Variants in JARID2 observed in about 807,000 individuals in gnomAD.
JARID2 encodes the protein protein Jumonji.
In JARID2, 21 loss-of-function variants were observed where a neutral mutation model predicts 125.6. The observed-to-expected ratio is 0.17, with a 90% confidence interval of 0.12 to 0.24. The LOEUF (loss-of-function observed/expected upper bound fraction) is 0.24, where lower values mean the gene tolerates loss of function less well. JARID2 is among the 10% of genes least tolerant of loss of function. The pLI is 1.00. For synonymous variants in JARID2, 736 were observed against 661.6 expected (o/e 1.11, Z -1.73); for missense variants, 1,303 against 1,639.6 (o/e 0.79, Z 3.55).
At position 15,477,735 on chromosome 6, in the gene JARID2, A is replaced by G. The variant is rs987904576; in HGVS notation, c.670+9017A>G. Among the ~76,000 whole-genome samples, 6 of 152,310 alleles carry G rather than the reference A, an allele frequency of 3.9e-5. No individual in the cohort carries two copies. In the East Asian group the frequency reaches 1.2e-3, roughly 29 times the overall value. On this transcript the variant is annotated intron_variant, in intron 5 of 17. Transcript: ENST00000341776. Reference sequence around the variant, plus strand: ...GAAGAAGAGATCATAGGTTTTGGCAATAACTAAATGAATTGATACATGTTA... The same window carrying G: ...GAAGAAGAGATCATAGGTTTTGGCAGTAACTAAATGAATTGATACATGTTA...
At chr6:15,469,926 C>T (rs1768988384) in intron 5 of JARID2, among the ~76,000 whole-genome samples, 1 of 152,022 alleles carries the variant, frequency 6.6e-6, no homozygotes, top group Non-Finnish European at 1.5e-5. Flanking sequence ...CACCTGTAAT[C>T]CCAGGACTTT....
chr6:15,263,998 ATCCTCC>A (rs1759985214), intron 1 of JARID2, among the ~76,000 whole-genome samples: 1 of 152,156 alleles, frequency 6.6e-6, no homozygotes, highest in Non-Finnish European at 1.5e-5. Context: ...GGCTCAAGCG[ATCCTCC>A]CACCTCACCC....
At chr6:15,388,295 C>A (rs758915001) in intron 2 of JARID2, among the ~76,000 whole-genome samples, 1 of 151,990 alleles carries the variant, frequency 6.6e-6, no homozygotes, top group Non-Finnish European at 1.5e-5. Flanking sequence ...TGTTTAGAGT[C>A]CTGTATGGTA....
chr6:15,265,713 T>C (rs1760059140), intron 1 of JARID2, among the ~76,000 whole-genome samples: 1 of 152,136 alleles, frequency 6.6e-6, no homozygotes, highest in Admixed American at 6.5e-5. Context: ...CAGTGTAAGG[T>C]GACCCTCTTC....
chr6:15,256,144 A>T (rs1019795702), intron 1 of JARID2, among the ~76,000 whole-genome samples: 4 of 152,248 alleles, frequency 2.6e-5, no homozygotes, highest in African/African-American at 9.6e-5. Flanking sequence ...ATTATTACCC[A>T]GTTGGAAATC....
At chr6:15,502,666 G>C (rs1561910355) in intron 8 of JARID2, among the ~76,000 whole-genome samples, 1 of 152,172 alleles carries the variant, frequency 6.6e-6, no homozygotes, top group Non-Finnish European at 1.5e-5. Context: ...TTAAGTCCAG[G>C]CCCTGCAGAC....
chr6:15,343,603 G>C (rs1763145143), intron 1 of JARID2, among the ~76,000 whole-genome samples: 1 of 152,156 alleles, frequency 6.6e-6, no homozygotes, highest in African/African-American at 2.4e-5. Context: ...CCATTTTGGT[G>C]TATTTGGAGG....
intron 8 of JARID2, 48 bp downstream of exon 8, chr6:15,501,457 G>C: frequency 6.7e-7 from 1 of 1,500,268 alleles, no homozygotes; most frequent in Non-Finnish European, 8.9e-7. Flanking sequence ...GAGTGCGGGA[G>C]GAATGAGAGA....
chr6:15,306,187 G>T (rs1761815194), intron 1 of JARID2, among the ~76,000 whole-genome samples: 1 of 152,128 alleles, frequency 6.6e-6, no homozygotes, highest in Middle Eastern at 3.2e-3. Context: ...TCACAGTTAG[G>T]TTGTTAAGAT....
Position 15,274,241 on chromosome 6 carries a change from C to A in JARID2, c.45+27657C>A, listed in dbSNP as rs569096662. On this transcript the variant is annotated intron_variant, in intron 1 of 17. Transcript: ENST00000341776. ...CACTGTGCCTGGCCTGCTTCTCTATCTTTGAAAAAGGAGTTTTTGGGGGGC... is the reference window on the plus strand; with the variant it reads ...CACTGTGCCTGGCCTGCTTCTCTATATTTGAAAAAGGAGTTTTTGGGGGGC... 2.0e-5 allele frequency among the ~76,000 whole-genome samples: 3 copies of A among 152,188 alleles called. No homozygotes were observed. The South Asian group carries it at 6.2e-4, about 32-fold the overall frequency.
intron 9 of JARID2, chr6:15,505,229 C>G (rs1212069828): frequency 6.6e-6 from 1 of 152,184 alleles, no homozygotes; most frequent in Middle Eastern, 3.4e-3. Context: ...AGCGCTTGGT[C>G]GTGGAAAGGG....
At chr6:15,253,074 T>G (rs777356321) in intron 1 of JARID2, among the ~76,000 whole-genome samples, 1 of 138,508 alleles carries the variant, frequency 7.2e-6, no homozygotes, top group Non-Finnish European at 1.5e-5. Context: ...AGGATTTTTT[T>G]TTTTGAGACA....
At chr6:15,504,787 C>T (rs1233182519) in intron 9 of JARID2, among the ~76,000 whole-genome samples, 195 bp downstream of exon 9, 3 of 152,168 alleles carry the variant, frequency 2.0e-5, no homozygotes, top group Admixed American at 6.5e-5. Flanking sequence ...AACTTGTTCA[C>T]AAGCCAAAAA....
chr6:15,265,581 G>T (rs1760052272), intron 1 of JARID2, among the ~76,000 whole-genome samples: 2 of 152,006 alleles, frequency 1.3e-5, no homozygotes, highest in African/African-American at 4.8e-5. Flanking sequence ...TCTCCCCATG[G>T]GTACAGAAGT....
Position 15,299,125 on chromosome 6 carries a change from G to A in JARID2, c.45+52541G>A, listed in dbSNP as rs77929829. ...GAAAGAAACCTGGCTATCTGTACCCGACATTTGTCAAACTTCACTGACCCG... is the reference window on the plus strand; with the variant it reads ...GAAAGAAACCTGGCTATCTGTACCCAACATTTGTCAAACTTCACTGACCCG... On this transcript the variant is annotated intron_variant, in intron 1 of 17. Transcript: ENST00000341776. Among the ~76,000 whole-genome samples the A allele has an allele frequency of 2.6e-3, 391 of 152,194 alleles. 4 individuals are homozygous for A. The highest frequency in any genetic ancestry group is 0.021 in the Admixed American group (319 of 15,284).
At chr6:15,434,433 C>T (rs1214994071) in intron 3 of JARID2, among the ~76,000 whole-genome samples, 3 of 152,102 alleles carry the variant, frequency 2.0e-5, no homozygotes, top group Non-Finnish European at 4.4e-5. Flanking sequence ...TCAGAAAATT[C>T]TTAGAAGGGC....
At chr6:15,455,187 T>C (rs1467498448) in intron 4 of JARID2, among the ~76,000 whole-genome samples, 1 of 120,182 alleles carries the variant, frequency 8.3e-6, no homozygotes, top group Non-Finnish European at 1.8e-5. Context: ...AGTGGCACTT[T>C]GTCTCAAAAA....
chr6:15,420,399 TAAAAAA>T (rs35773283), intron 3 of JARID2, among the ~76,000 whole-genome samples: 4 of 143,388 alleles, frequency 2.8e-5, no homozygotes, highest in African/African-American at 1.0e-4. Flanking sequence ...CAAGACTCCA[TAAAAAA>T]AAAAAAAAGA....
chr6:15,513,165 G>A, intron 15 of JARID2, 74 bp from the exon 16 acceptor site: 1 of 1,500,214 alleles, frequency 6.7e-7, no homozygotes, highest in Non-Finnish European at 9.0e-7. Context: ...CCGGTGTGGG[G>A]TGCGTGTGTC....
Sources: gnomAD v4.1 joint callset for allele counts (sites outside exome capture counted in the v4.1 genomes callset) on GRCh38, gnomAD v4.1.1 for gene constraint, MANE v1.5 for transcripts, NCBI Gene and HGNC (gene_info 2026-07-23, HGNC 2026-07-21) for gene names.